Variants in MTUS2 observed in about 807,000 individuals in gnomAD.
The protein encoded by MTUS2 is microtubule associated scaffold protein 2, also known as microtubule-associated tumor suppressor candidate 2.
MTUS2 carries 40 observed loss-of-function variants against 114.1 expected under a neutral mutation model. The observed-to-expected ratio is 0.35, with a 90% confidence interval of 0.27 to 0.46. The LOEUF is 0.46. Among genes scored for constraint, MTUS2 ranks in the 20% least tolerant of loss-of-function variants. The pLI, the probability that MTUS2 is intolerant of heterozygous loss-of-function variation, is 1.00. For missense variants in MTUS2, 1,679 were observed against 1,705.4 expected, an observed-to-expected ratio of 0.98 and a Z score of 0.27; for synonymous variants, 688 against 672.0, an observed-to-expected ratio of 1.02 and a Z score of -0.37.
At chr13:29,501,910 C>T (rs903597926) in intron 15 of MTUS2, among the ~76,000 whole-genome samples, 1 of 152,184 alleles carries the variant, frequency 6.6e-6, no homozygotes, top group Non-Finnish European at 1.5e-5. Context: ...TACGCACACA[C>T]TCATATACTC....
intron 4 of MTUS2, among the ~76,000 whole-genome samples, chr13:29,094,694 A>G (rs913811600): frequency 6.6e-6 from 1 of 151,648 alleles, no homozygotes; most frequent in Admixed American, 6.6e-5. Context: ...TTTCACTGTA[A>G]TCTTTATTAT....
At chr13:29,481,179 C>A (rs1302211229) in intron 10 of MTUS2, among the ~76,000 whole-genome samples, 2 of 152,176 alleles carry the variant, frequency 1.3e-5, no homozygotes, top group South Asian at 4.1e-4. Flanking sequence ...CCATGGTTAA[C>A]CTTCGCCCAG....
intron 5 of MTUS2, among the ~76,000 whole-genome samples, chr13:29,216,848 C>T (rs1226128913): frequency 2.6e-5 from 4 of 152,152 alleles, no homozygotes; most frequent in Admixed American, 1.3e-4. Context: ...TTACAGCTCA[C>T]CAGTTTTACA....
At chr13:28,906,742 G>T (rs1249542656) in intron 2 of MTUS2, among the ~76,000 whole-genome samples, 1 of 151,544 alleles carries the variant, frequency 6.6e-6, no homozygotes, top group Non-Finnish European at 1.5e-5. Context: ...TTGATTTGGG[G>T]TGGAGAGTTC....
At position 28,971,469 on chromosome 13, in the gene MTUS2, A is replaced by G. The variant is rs190765795; in HGVS notation, c.-242-52988A>G. Among the ~76,000 whole-genome samples, 3 of 152,324 alleles carry G rather than the reference A, an allele frequency of 2.0e-5. No individual in the cohort carries two copies. The East Asian group carries it at 5.8e-4, about 29-fold the overall frequency. ...TACCTGTTCTCTCAAGCTGAAAAAG[A>G]AATTGTAATGAAGAATTCAAGTTAA... is the stretch of plus-strand genomic sequence containing the variant. On this transcript the variant is annotated intron_variant, in intron 2 of 15. Coordinates refer to ENST00000612955, the MANE Select transcript of MTUS2 (RefSeq NM_001033602.4).
chr13:29,313,189 T>C (rs1899844885), intron 6 of MTUS2, among the ~76,000 whole-genome samples: 1 of 152,110 alleles, frequency 6.6e-6, no homozygotes, highest in African/African-American at 2.4e-5. Context: ...AGGAGGCTGC[T>C]GCAGAGCTCT....
intron 2 of MTUS2, among the ~76,000 whole-genome samples, chr13:28,963,923 T>TC (rs1479630422): frequency 6.6e-6 from 1 of 152,040 alleles, no homozygotes; most frequent in Non-Finnish European, 1.5e-5. Flanking sequence ...CTTCCCAGTC[T>TC]CCCCCCAGCC....
In MTUS2 at chr13:28,897,145, T is replaced by C. The variant is rs558623829; in HGVS notation, c.-243+57295T>C. 3.9e-5 allele frequency among the ~76,000 whole-genome samples: 6 copies of C among 152,226 alleles called. No individual in the cohort carries two copies. The South Asian group carries it at 6.2e-4, about 16-fold the overall frequency. On this transcript the variant is annotated intron_variant, in intron 2 of 15. Coordinates refer to ENST00000612955, the MANE Select transcript of MTUS2 (RefSeq NM_001033602.4). ...GCAGAATAGGAGAAAATTTTTGCAA[T>C]CTACTCATCTGACAAAGGGCTAATA... is the stretch of plus-strand genomic sequence containing the variant.
At chr13:29,318,390 T>C (rs1389334061) in intron 6 of MTUS2, among the ~76,000 whole-genome samples, 2 of 47,176 alleles carry the variant, frequency 4.2e-5, no homozygotes, top group Admixed American at 3.3e-4. Context: ...TATTTCTTTT[T>C]CTTTTTTTTT....
chr13:29,359,231 G>T, intron 7 of MTUS2, 31 bp from the exon 8 acceptor site: 1 of 1,553,606 alleles, frequency 6.4e-7, no homozygotes, highest in East Asian at 2.4e-5. Context: ...TTTTTTCACA[G>T]GTGACCGGGG....
chr13:28,882,094 C>T (rs1387012557), intron 2 of MTUS2, among the ~76,000 whole-genome samples: 2 of 151,996 alleles, frequency 1.3e-5, no homozygotes, highest in South Asian at 2.1e-4. Flanking sequence ...GAGTCTTGCT[C>T]TGTCTCCCAG....
At chr13:29,463,441 G>C (rs1879656467) in intron 9 of MTUS2, among the ~76,000 whole-genome samples, 1 of 152,216 alleles carries the variant, frequency 6.6e-6, no homozygotes. Flanking sequence ...GACACTTCTA[G>C]AAGGAAGATT....
At chr13:29,368,337 A>C (rs1364501003) in intron 8 of MTUS2, among the ~76,000 whole-genome samples, 1 of 152,066 alleles carries the variant, frequency 6.6e-6, no homozygotes, top group Non-Finnish European at 1.5e-5. Context: ...CAGGAAGTGC[A>C]AGGTGGCTCT....
At chr13:29,269,860 T>C (rs1283173671) in intron 5 of MTUS2, among the ~76,000 whole-genome samples, 1 of 152,162 alleles carries the variant, frequency 6.6e-6, no homozygotes, top group African/African-American at 2.4e-5. Context: ...TAAAGCAGAA[T>C]ACCATAGGGC....
intron 8 of MTUS2, among the ~76,000 whole-genome samples, chr13:29,414,690 T>G (rs187808403): frequency 3.2e-4 from 48 of 152,046 alleles, no homozygotes; most frequent in African/African-American, 1.1e-3. Flanking sequence ...TCATTTATTA[T>G]TTTGTTATTT....
chr13:29,354,002 C>T (rs1424446879), intron 7 of MTUS2, among the ~76,000 whole-genome samples: 1 of 152,120 alleles, frequency 6.6e-6, no homozygotes, highest in Non-Finnish European at 1.5e-5. Flanking sequence ...GGTATCCTAC[C>T]TTGTACGCAC....
intron 5 of MTUS2, among the ~76,000 whole-genome samples, chr13:29,238,724 G>C (rs928079747): frequency 6.6e-6 from 1 of 152,072 alleles, no homozygotes. Flanking sequence ...ATCTCCTTTG[G>C]CAACACCCTC....
intron 7 of MTUS2, among the ~76,000 whole-genome samples, chr13:29,355,148 G>A (rs2138203300): frequency 6.6e-6 from 1 of 152,320 alleles, no homozygotes; most frequent in East Asian, 1.9e-4. Flanking sequence ...GGGACTGGAT[G>A]GCTGCCGATG....
intron 9 of MTUS2, among the ~76,000 whole-genome samples, chr13:29,458,681 C>A (rs1879281063): frequency 6.6e-6 from 1 of 152,174 alleles, no homozygotes; most frequent in Admixed American, 6.5e-5. Context: ...GAACCACAGG[C>A]AGGACAACTC....
Sources: gnomAD v4.1 joint callset for allele counts (sites outside exome capture counted in the v4.1 genomes callset) on GRCh38, gnomAD v4.1.1 for gene constraint, MANE v1.5 for transcripts, NCBI Gene and HGNC (gene_info 2026-07-23, HGNC 2026-07-21) for gene names.